Variants in DYRK1A observed in about 807,000 individuals in gnomAD.
DYRK1A encodes dual specificity tyrosine-phosphorylation-regulated kinase 1A.
A neutral mutation model predicts 79.7 loss-of-function variants in DYRK1A; 9 were observed. The observed-to-expected ratio is 0.11, with a 90% CI of 0.07 to 0.20. The LOEUF (loss-of-function observed/expected upper bound fraction) is 0.20. DYRK1A is among the 10% of genes least tolerant of loss of function. The pLI is 1.00. For missense variants in DYRK1A, 622 were observed against 956.0 expected, an observed-to-expected ratio of 0.65 and a Z score of 4.61; for synonymous variants, 349 against 329.7, an observed-to-expected ratio of 1.06 and a Z score of -0.63.
chr21:37,456,496 G>T (rs543164822), intron 2 of DYRK1A, among the ~76,000 whole-genome samples: 1 of 152,198 alleles, frequency 6.6e-6, no homozygotes, highest in African/African-American at 2.4e-5. Context: ...TGATGAGCAG[G>T]CTGTTTGGAA....
At chr21:37,376,908 C>T (rs1305820511) in intron 1 of DYRK1A, among the ~76,000 whole-genome samples, 1 of 151,996 alleles carries the variant, frequency 6.6e-6, no homozygotes, top group East Asian at 1.9e-4. Flanking sequence ...GTTTTTCCTA[C>T]CAGAAATGTA....
intron 2 of DYRK1A, among the ~76,000 whole-genome samples, chr21:37,458,290 G>GTT (rs2051722520): frequency 6.6e-6 from 1 of 151,508 alleles, no homozygotes; most frequent in Non-Finnish European, 1.5e-5. Context: ...GTGTGTGTGT[G>GTT]TGTGTGTGTG....
intron 1 of DYRK1A, among the ~76,000 whole-genome samples, chr21:37,401,674 G>A (rs966120286): frequency 6.6e-6 from 1 of 151,768 alleles, no homozygotes; most frequent in Non-Finnish European, 1.5e-5. Context: ...GTAGAGACAG[G>A]GTTTCACCAT....
chr21:37,382,741 C>T (rs1036575238), intron 1 of DYRK1A, among the ~76,000 whole-genome samples: 2 of 152,064 alleles, frequency 1.3e-5, no homozygotes, highest in African/African-American at 4.8e-5. Context: ...GAATGAATAA[C>T]TATTTATTAT....
chr21:37,485,698 C>A (rs2052834890), intron 5 of DYRK1A, among the ~76,000 whole-genome samples: 1 of 152,110 alleles, frequency 6.6e-6, no homozygotes, highest in South Asian at 2.1e-4. Context: ...TAAGAGATAA[C>A]ATTTTCTTTT....
At chr21:37,381,156 A>C (rs1016497490) in intron 1 of DYRK1A, among the ~76,000 whole-genome samples, 3 of 152,212 alleles carry the variant, frequency 2.0e-5, no homozygotes, top group Non-Finnish European at 2.9e-5. Flanking sequence ...TTGTTGAATG[A>C]ATCAGTGAAC....
At chr21:37,392,997 C>T (rs2049898872) in intron 1 of DYRK1A, among the ~76,000 whole-genome samples, 1 of 152,246 alleles carries the variant, frequency 6.6e-6, no homozygotes, top group Admixed American at 6.5e-5. Context: ...ATGGCATTAA[C>T]CAATCTGTGA....
intron 1 of DYRK1A, among the ~76,000 whole-genome samples, chr21:37,390,134 T>C (rs2049842921): frequency 1.3e-5 from 2 of 152,074 alleles, no homozygotes. Flanking sequence ...TTTTCTGTTG[T>C]GCTTGATACC....
At chr21:37,390,412 A>G (rs1248312698) in intron 1 of DYRK1A, among the ~76,000 whole-genome samples, 2 of 152,242 alleles carry the variant, frequency 1.3e-5, no homozygotes, top group Non-Finnish European at 2.9e-5. Context: ...ATTCTCTTAC[A>G]TAACAGCAAT....
intron 2 of DYRK1A, among the ~76,000 whole-genome samples, chr21:37,423,864 C>CTA (rs1297222476): frequency 1.3e-5 from 2 of 152,054 alleles, no homozygotes; most frequent in East Asian, 3.8e-4. Flanking sequence ...TATGCATACA[C>CTA]TATATATATA....
intron 2 of DYRK1A, among the ~76,000 whole-genome samples, chr21:37,444,073 C>T (rs2051190019): frequency 6.6e-6 from 1 of 152,140 alleles, no homozygotes; most frequent in East Asian, 1.9e-4. Flanking sequence ...TTGGTATGCC[C>T]CCGTTCCTTT....
chr21:37,374,270 A>C (rs2049492056), intron 1 of DYRK1A, among the ~76,000 whole-genome samples: 1 of 151,374 alleles, frequency 6.6e-6, no homozygotes, highest in African/African-American at 2.4e-5. Context: ...TGTTGTCAGG[A>C]TGTCATAAAG....
rs542586351 is a variant in DYRK1A at position 37,444,210 on chromosome 21, C to T, written c.10+23826C>T. Among the ~76,000 whole-genome samples, 8 of 152,218 alleles carry T rather than the reference C, an allele frequency of 5.3e-5. No individual in the cohort carries two copies. In the South Asian group the frequency reaches 8.3e-4, roughly 16 times the overall value. On this transcript the variant is annotated intron_variant, in intron 2 of 11. Transcript: ENST00000647188. ...CTGCACATAAAACATTTTTGAAGAC[C>T]TGGAGAGGATTTGTCCCACTTCTTT...
At chr21:37,374,561 C>T (rs968193799) in intron 1 of DYRK1A, among the ~76,000 whole-genome samples, 2 of 150,372 alleles carry the variant, frequency 1.3e-5, no homozygotes, top group African/African-American at 4.9e-5. Flanking sequence ...AATCTGCTTT[C>T]TTTTTTTTTG....
At position 37,518,425 on chromosome 21, in the gene DYRK1A, C is replaced by G. The variant is rs577831429; in HGVS notation, c.*5894C>G. 6.6e-6 allele frequency: 1 copy of G among 152,170 alleles called. No homozygotes were observed. The highest frequency in any genetic ancestry group is 2.4e-5 in the African/African-American group (1 of 41,426). The allele number at this position is 152,170 out of a possible 1,614,324, so 9.4% of individuals were successfully genotyped here. ...AATGACTGTCCAGCCTTGCTGCACA[C>G]TAAACTCATCTGTAGAACTTTATAA... On this transcript the variant is annotated 3_prime_UTR_variant, in exon 12 of 12. Transcript: ENST00000647188.
intron 1 of DYRK1A, among the ~76,000 whole-genome samples, chr21:37,380,821 A>C (rs572247653): frequency 6.6e-6 from 1 of 152,024 alleles, no homozygotes; most frequent in South Asian, 2.1e-4. Flanking sequence ...TGCCACCTGG[A>C]TGATCTGGCT....
intron 1 of DYRK1A, among the ~76,000 whole-genome samples, chr21:37,413,871 A>C (rs564986721): frequency 6.6e-6 from 1 of 152,158 alleles, no homozygotes. Context: ...TGTTTTCTTC[A>C]TACCACTTTG....
chr21:37,479,037 G>C (rs2052503407), intron 4 of DYRK1A, among the ~76,000 whole-genome samples: 1 of 152,182 alleles, frequency 6.6e-6, no homozygotes. Context: ...AAGAATCCAT[G>C]CTTTCTTTCC....
chr21:37,437,106 T>A (rs538035532), intron 2 of DYRK1A, among the ~76,000 whole-genome samples: 5 of 152,302 alleles, frequency 3.3e-5, no homozygotes, highest in South Asian at 4.1e-4. Context: ...AAAATTGCAT[T>A]TACTAAGGTA....
Sources: gnomAD v4.1 joint callset for allele counts (sites outside exome capture counted in the v4.1 genomes callset) on GRCh38, gnomAD v4.1.1 for gene constraint, MANE v1.5 for transcripts, NCBI Gene and HGNC (gene_info 2026-07-23, HGNC 2026-07-21) for gene names.